PDE10A: variants seen among roughly 807,000 people sequenced by gnomAD.
PDE10A encodes the protein phosphodiesterase 10A.
A neutral mutation model predicts 97.7 loss-of-function variants in PDE10A; 39 were observed. The ratio of observed to expected loss-of-function variants is 0.40; its 90% CI spans 0.31 to 0.52. The LOEUF is 0.52. Ranked by LOEUF, PDE10A falls within the 20% of genes least tolerant of loss-of-function variation. The probability of loss-of-function intolerance (pLI) is 0.56; values close to 1 mark genes in which losing one functional copy is unlikely to be tolerated. For missense variants in PDE10A, 731 were observed against 1,047.8 expected (o/e 0.70, Z 4.17); for synonymous variants, 371 against 376.8 (o/e 0.98, Z 0.18).
intron 1 of PDE10A, among the ~76,000 whole-genome samples, chr6:165,686,341 T>C (rs1006444208): frequency 3.3e-5 from 5 of 152,158 alleles, no homozygotes; most frequent in Admixed American, 3.3e-4. Flanking sequence ...TGGATTTCCC[T>C]GTGCATCGGA....
chr6:165,410,694 C>T lies in PDE10A; in HGVS notation c.2076+2807G>A, dbSNP rs60275476. Among the ~76,000 whole-genome samples the T allele has an allele frequency of 2.0e-3, 297 of 152,104 alleles. 1 individual carries two copies. Among genetic ancestry groups the T allele is most frequent in the African/African-American group, 6.8e-3 (281 of 41,500 alleles). ...AATAGGCTCAGTGACGAAGCACATG[C>T]CTGCTAACAGGATGCACTGAGGACA... On this transcript the variant is annotated intron_variant, in intron 13 of 21. Coordinates refer to ENST00000539869, the MANE Select transcript of PDE10A (RefSeq NM_001385079.1).
chr6:165,698,501 A>G (rs1791493083), intron 1 of PDE10A, among the ~76,000 whole-genome samples: 1 of 152,210 alleles, frequency 6.6e-6, no homozygotes, highest in Non-Finnish European at 1.5e-5. Flanking sequence ...AGACAAATAA[A>G]AAAATAGAGC....
At chr6:165,764,825 G>A (rs961838588) in intron 1 of PDE10A, among the ~76,000 whole-genome samples, 2 of 152,210 alleles carry the variant, frequency 1.3e-5, no homozygotes, top group Admixed American at 6.5e-5. Context: ...AAGGGGACCC[G>A]AGCGGGTTGC....
intron 1 of PDE10A, among the ~76,000 whole-genome samples, chr6:165,648,585 C>T (rs1357289357): frequency 6.6e-6 from 1 of 152,162 alleles, no homozygotes; most frequent in Admixed American, 6.5e-5. Flanking sequence ...TTCCACCAGA[C>T]TGCAACCCAG....
At chr6:165,943,766 G>A (rs972950676) in intron 1 of PDE10A, among the ~76,000 whole-genome samples, 7 of 152,200 alleles carry the variant, frequency 4.6e-5, no homozygotes, top group African/African-American at 9.7e-5. Context: ...TTCTGGAAAC[G>A]TCCTCACAGA....
intron 1 of PDE10A, among the ~76,000 whole-genome samples, chr6:165,747,069 C>G (rs577361001): frequency 1.3e-5 from 2 of 152,036 alleles, no homozygotes; most frequent in South Asian, 2.1e-4. Flanking sequence ...TATGCTATAT[C>G]TTAGTTCAAT....
At chr6:165,468,782 T>C (rs895251514) in intron 3 of PDE10A, among the ~76,000 whole-genome samples, 4 of 152,204 alleles carry the variant, frequency 2.6e-5, no homozygotes, top group African/African-American at 7.2e-5. Context: ...CTAGGTGTGA[T>C]TGGATTTTAT....
At chr6:165,496,522 C>G (rs570886694) in intron 2 of PDE10A, among the ~76,000 whole-genome samples, 1 of 152,298 alleles carries the variant, frequency 6.6e-6, no homozygotes, top group East Asian at 1.9e-4. Context: ...AATTCTTACA[C>G]AGAGAGAATG....
intron 2 of PDE10A, among the ~76,000 whole-genome samples, chr6:165,515,831 A>C (rs969435045): frequency 1.3e-5 from 2 of 151,972 alleles, no homozygotes; most frequent in Admixed American, 1.3e-4. Context: ...CTATTTTCTT[A>C]TATTTAAGAC....
At chr6:165,884,628 CAT>C (rs1781579508) in intron 1 of PDE10A, among the ~76,000 whole-genome samples, 1 of 152,272 alleles carries the variant, frequency 6.6e-6, no homozygotes, top group East Asian at 1.9e-4. Context: ...TTGACTCAAA[CAT>C]AGAAACTTAA....
intron 1 of PDE10A, among the ~76,000 whole-genome samples, chr6:165,710,553 G>A (rs768373078): frequency 2.6e-5 from 4 of 152,100 alleles, no homozygotes; most frequent in Non-Finnish European, 5.9e-5. Flanking sequence ...AGCACTTTTC[G>A]TTTTGTATTT....
At chr6:165,576,510 G>T in intron 1 of PDE10A, 1 of 774,926 alleles carries the variant, frequency 1.3e-6, no homozygotes, top group Non-Finnish European at 2.4e-6. Context: ...ACATCTCTGT[G>T]GATGACTTCT....
intron 1 of PDE10A, among the ~76,000 whole-genome samples, chr6:165,812,871 G>A (rs1214430376): frequency 3.3e-5 from 5 of 151,930 alleles, no homozygotes; most frequent in East Asian, 1.9e-4. Context: ...TGTAAATTGC[G>A]AGTCTGTGGT....
intron 1 of PDE10A, among the ~76,000 whole-genome samples, chr6:165,658,409 TATCCTC>T (rs1376687642): frequency 1.3e-5 from 2 of 152,212 alleles, no homozygotes; most frequent in Non-Finnish European, 2.9e-5. Context: ...ACTTTCTCAG[TATCCTC>T]CTTGACCAGC....
chr6:165,798,333 G>A (rs1294099730), intron 1 of PDE10A, among the ~76,000 whole-genome samples: 2 of 152,110 alleles, frequency 1.3e-5, no homozygotes, highest in South Asian at 2.1e-4. Flanking sequence ...GAGGCATTAC[G>A]GGGAGAAAGG....
intron 1 of PDE10A, among the ~76,000 whole-genome samples, chr6:165,951,108 A>G (rs1783943098): frequency 6.6e-6 from 1 of 152,218 alleles, no homozygotes; most frequent in Non-Finnish European, 1.5e-5. Flanking sequence ...TCAAGGTTGA[A>G]ATAAGCCACA....
intron 1 of PDE10A, chr6:165,949,696 T>C (rs1451918833): frequency 1.3e-5 from 2 of 152,232 alleles, no homozygotes; most frequent in Admixed American, 1.3e-4. Context: ...GCATTCATTA[T>C]GAGCTGCAGG....
intron 2 of PDE10A, among the ~76,000 whole-genome samples, chr6:165,492,879 AAAG>A (rs1364088920): frequency 1.3e-5 from 2 of 152,170 alleles, no homozygotes; most frequent in African/African-American, 2.4e-5. Context: ...CTAAACTGGT[AAAG>A]AAGAAGTCAA....
chr6:165,951,843 A>C (rs1200295578), intron 1 of PDE10A, among the ~76,000 whole-genome samples: 1 of 152,182 alleles, frequency 6.6e-6, no homozygotes, highest in Non-Finnish European at 1.5e-5. Flanking sequence ...TTATTCATTC[A>C]ACAAGCTTTT....
Sources: gnomAD v4.1 joint callset for allele counts (sites outside exome capture counted in the v4.1 genomes callset) on GRCh38, gnomAD v4.1.1 for gene constraint, MANE v1.5 for transcripts, NCBI Gene and HGNC (gene_info 2026-07-23, HGNC 2026-07-21) for gene names.